Variants in ZNF503 observed in about 807,000 individuals in gnomAD.
ZNF503 encodes the protein zinc finger protein 503.
A neutral mutation model predicts 34.4 loss-of-function variants in ZNF503; 15 were observed. The observed-to-expected ratio is 0.44, with a 90% confidence interval of 0.29 to 0.67. ZNF503 has a LOEUF of 0.67. Among genes scored for constraint, ZNF503 ranks in the 30% least tolerant of loss-of-function variants. The pLI is 0.13. For missense variants in ZNF503, 1,007 were observed against 926.8 expected (o/e 1.09, Z -1.12); for synonymous variants, 580 against 456.8 (o/e 1.27, Z -3.44).
chr10:75,363,704 T>G, the ZNF503 span, among the ~76,000 whole-genome samples: 1 of 152,344 alleles, frequency 6.6e-6, no homozygotes, highest in East Asian at 1.9e-4. Flanking sequence ...AGGTCCTAAG[T>G]TTGACAGTCA....
At chr10:75,285,084 C>A in the ZNF503 span, among the ~76,000 whole-genome samples, 3 of 152,242 alleles carry the variant, frequency 2.0e-5, no homozygotes, top group Non-Finnish European at 4.4e-5. Flanking sequence ...TAACAGCCAA[C>A]AACCCTGACT....
At chr10:75,287,028 G>C in the ZNF503 span, among the ~76,000 whole-genome samples, 1 of 152,160 alleles carries the variant, frequency 6.6e-6, no homozygotes, top group African/African-American at 2.4e-5. Flanking sequence ...CATGACCCTG[G>C]AATCTGCAGG....
At chr10:75,390,122 C>G in the ZNF503 span, among the ~76,000 whole-genome samples, 1 of 151,962 alleles carries the variant, frequency 6.6e-6, no homozygotes, top group African/African-American at 2.4e-5. Context: ...TGGTCTCGAT[C>G]TCCTGACCTC....
the ZNF503 span, among the ~76,000 whole-genome samples, chr10:75,285,187 C>T: frequency 6.6e-6 from 1 of 152,230 alleles, no homozygotes; most frequent in African/African-American, 2.4e-5. Flanking sequence ...GTTCACATTT[C>T]TCATTGAATT....
chr10:75,399,378 C>T lies in ZNF503; in HGVS notation c.1312G>A (p.Ala438Thr). The T allele has an allele frequency of 6.2e-7, 1 of 1,606,460 alleles. No individual in the cohort carries two copies. ...GCCGCCGCCCCTGCCAGGTGGCTAG[C>T]GCAGTGGTAGCTGAGGCAGTAAGGG... ...RDPYCLSYHC[A>T]SHLAGAAAAS... The change falls in exon 2 of 2, where the codon GCT becomes ACT. Residue 438 changes from alanine (A) to threonine (T), a missense_variant. Transcript: ENST00000372524.
chr10:75,302,066 AT>A, the ZNF503 span, among the ~76,000 whole-genome samples: 1 of 152,238 alleles, frequency 6.6e-6, no homozygotes, highest in African/African-American at 2.4e-5. Context: ...GCAACATATA[AT>A]CTCAGTCTTT....
At chr10:75,310,717 C>A in the ZNF503 span, among the ~76,000 whole-genome samples, 34,645 of 151,928 alleles carry the variant, frequency 0.23, 4,488 homozygotes, top group African/African-American at 0.35. Flanking sequence ...GCTGGAAGTC[C>A]CACCCCTGCC....
chr10:75,332,479 T>C, the ZNF503 span, among the ~76,000 whole-genome samples: 1 of 150,756 alleles, frequency 6.6e-6, no homozygotes, highest in African/African-American at 2.4e-5. Context: ...TTTTTTTTTT[T>C]TTAATTTATT....
chr10:75,360,259 T>A, the ZNF503 span, among the ~76,000 whole-genome samples: 2 of 151,230 alleles, frequency 1.3e-5, no homozygotes, highest in East Asian at 3.9e-4. Flanking sequence ...TAGCTGGGAC[T>A]ACAGGCGCCC....
At chr10:75,320,671 G>T in the ZNF503 span, among the ~76,000 whole-genome samples, 2 of 151,844 alleles carry the variant, frequency 1.3e-5, no homozygotes, top group Admixed American at 1.3e-4. Flanking sequence ...TTAAAGAAAA[G>T]ATAAGAAAAA....
Position 75,398,716 on chromosome 10 carries a change from C to T in ZNF503, c.*33G>A, listed in dbSNP as rs1448943124. On this transcript the variant is annotated 3_prime_UTR_variant, in exon 2 of 2. Coordinates refer to ENST00000372524, the MANE Select transcript of ZNF503 (RefSeq NM_032772.6). ...CCTGGACTCCTCCCCTCCCCCTCTCCCTCCTCTCCCTCGCTCGCCCTCCCG... is the reference window on the plus strand; with the variant it reads ...CCTGGACTCCTCCCCTCCCCCTCTCTCTCCTCTCCCTCGCTCGCCCTCCCG... 7.4e-7 allele frequency: 1 copy of T among 1,354,318 alleles called. No homozygotes were observed. Among genetic ancestry groups the T allele is most frequent in the African/African-American group, 1.5e-5 (1 of 65,278 alleles). The allele number at this position is 1,354,318 out of a possible 1,614,324, so 83.9% of individuals were successfully genotyped here. A position where few individuals can be genotyped will look rare whatever the true frequency, so the allele number is the denominator to read the frequency against.
the ZNF503 span, among the ~76,000 whole-genome samples, chr10:75,333,517 T>A: frequency 4.3e-5 from 2 of 46,908 alleles, no homozygotes; most frequent in Non-Finnish European, 8.0e-5. Context: ...GGCTCCTCAC[T>A]TCCCAGTAGG....
chr10:75,356,064 C>T, the ZNF503 span, among the ~76,000 whole-genome samples: 1 of 152,182 alleles, frequency 6.6e-6, no homozygotes, highest in Non-Finnish European at 1.5e-5. Context: ...GTGAAAGCCA[C>T]ATTACCTCTT....
the ZNF503 span, among the ~76,000 whole-genome samples, chr10:75,349,264 C>T: frequency 1.3e-5 from 2 of 152,116 alleles, no homozygotes; most frequent in African/African-American, 4.8e-5. Flanking sequence ...TTGGATGTCT[C>T]TTCAGTCTTT....
chr10:75,326,308 T>G, the ZNF503 span, among the ~76,000 whole-genome samples: 2 of 152,362 alleles, frequency 1.3e-5, no homozygotes, highest in African/African-American at 4.8e-5. Flanking sequence ...TACCATTCCT[T>G]TAGCTCTTCA....
the ZNF503 span, among the ~76,000 whole-genome samples, chr10:75,308,696 T>C: frequency 6.6e-6 from 1 of 152,156 alleles, no homozygotes; most frequent in Non-Finnish European, 1.5e-5. Context: ...GACTTTGAGG[T>C]TGTCAAGACA....
the ZNF503 span, chr10:75,350,234 A>G: frequency 6.6e-6 from 1 of 152,224 alleles, no homozygotes; most frequent in Non-Finnish European, 1.5e-5. Context: ...GACATGACAT[A>G]AGTGATAAAT....
At chr10:75,347,698 G>A in the ZNF503 span, among the ~76,000 whole-genome samples, 4 of 152,224 alleles carry the variant, frequency 2.6e-5, no homozygotes, top group Admixed American at 1.3e-4. Context: ...GGTTTATGAT[G>A]ATGATTATTC....
chr10:75,378,893 G>T, the ZNF503 span, among the ~76,000 whole-genome samples: 2 of 152,210 alleles, frequency 1.3e-5, no homozygotes, highest in African/African-American at 4.8e-5. Flanking sequence ...GGGAAAACAG[G>T]AAGCAAAAGA....
Sources: gnomAD v4.1 joint callset for allele counts (sites outside exome capture counted in the v4.1 genomes callset) on GRCh38, gnomAD v4.1.1 for gene constraint, MANE v1.5 for transcripts, NCBI Gene and HGNC (gene_info 2026-07-23, HGNC 2026-07-21) for gene names.